The following LSAMP variants were observed in gnomAD, a reference collection of about 807,000 sequenced individuals.
LSAMP encodes the protein limbic system associated membrane protein, also known as limbic system-associated membrane protein.
A neutral mutation model predicts 38.6 loss-of-function variants in LSAMP; 7 were observed. The observed-to-expected ratio is 0.18, with a 90% CI of 0.10 to 0.34. The LOEUF (loss-of-function observed/expected upper bound fraction) is 0.34. LSAMP is among the 10% of genes least tolerant of loss of function. LSAMP has a pLI of 1.00. For missense variants in LSAMP, 313 were observed against 420.0 expected (o/e 0.75, Z 2.23); for synonymous variants, 154 against 166.8 (o/e 0.92, Z 0.59).
intron 1 of LSAMP, among the ~76,000 whole-genome samples, chr3:116,173,205 GATGA>G (rs1710246065): frequency 1.3e-5 from 2 of 152,120 alleles, no homozygotes; most frequent in South Asian, 4.1e-4. Context: ...ATAAATGTTG[GATGA>G]ATAAGTGACA....
chr3:115,841,729 T>C, intron 6 of LSAMP, 116 bp downstream of exon 6: 4 of 1,255,322 alleles, frequency 3.2e-6, no homozygotes, highest in Non-Finnish European at 4.4e-6. Flanking sequence ...TTTCAGTGCA[T>C]ATATCCTTAT....
chr3:116,215,491 C>T (rs2046208851), intron 1 of LSAMP, among the ~76,000 whole-genome samples: 1 of 152,102 alleles, frequency 6.6e-6, no homozygotes. Flanking sequence ...GCCTAGGTCC[C>T]AGAGGTGGAG....
intron 3 of LSAMP, among the ~76,000 whole-genome samples, chr3:115,989,778 A>C (rs1939615161): frequency 1.3e-5 from 2 of 152,170 alleles, no homozygotes; most frequent in South Asian, 4.1e-4. Flanking sequence ...GGGTAGAAAT[A>C]GCTTATTTCC....
intron 1 of LSAMP, among the ~76,000 whole-genome samples, chr3:116,432,929 A>G (rs1347519062): frequency 6.6e-6 from 1 of 152,202 alleles, no homozygotes; most frequent in Non-Finnish European, 1.5e-5. Flanking sequence ...TCTCCTGCTA[A>G]GTTAATGATT....
intron 1 of LSAMP, among the ~76,000 whole-genome samples, chr3:116,306,306 A>G (rs2047484457): frequency 6.6e-6 from 1 of 152,048 alleles, no homozygotes; most frequent in Non-Finnish European, 1.5e-5. Context: ...AGAGTCAGGC[A>G]GTGGAGAATA....
chr3:116,439,466 T>C (rs2049401777), intron 1 of LSAMP, among the ~76,000 whole-genome samples: 1 of 151,920 alleles, frequency 6.6e-6, no homozygotes, highest in Admixed American at 6.6e-5. Context: ...TCAAAAACTC[T>C]AGCGATGGAG....
At chr3:116,184,889 TCA>T (rs1336582031) in intron 1 of LSAMP, among the ~76,000 whole-genome samples, 6 of 151,870 alleles carry the variant, frequency 4.0e-5, no homozygotes, top group African/African-American at 7.2e-5. Flanking sequence ...CACTGGATAT[TCA>T]CAGTTTTGTT....
At chr3:116,083,558 C>T (rs76182753) in intron 2 of LSAMP, among the ~76,000 whole-genome samples, 1,625 of 152,298 alleles carry the variant, frequency 0.011, 24 homozygotes, top group African/African-American at 0.035. Flanking sequence ...TATCTCATAG[C>T]ACCTTTGAGC....
chr3:115,867,191 G>A (rs1935885954), intron 3 of LSAMP, among the ~76,000 whole-genome samples: 1 of 151,986 alleles, frequency 6.6e-6, no homozygotes, highest in Non-Finnish European at 1.5e-5. Flanking sequence ...GCACATTAAT[G>A]CTCAGTTTTT....
chr3:116,006,049 T>G (rs1001806374), intron 3 of LSAMP, among the ~76,000 whole-genome samples: 2 of 152,194 alleles, frequency 1.3e-5, no homozygotes, highest in Non-Finnish European at 2.9e-5. Flanking sequence ...CCAGAAGTCC[T>G]GATGATCAGC....
In LSAMP at chr3:115,807,154, A is replaced by T. The variant is rs1052766724; in HGVS notation, c.*3163T>A. On this transcript the variant is annotated 3_prime_UTR_variant, in exon 7 of 7. Transcript: ENST00000490035. ...TCTTGAAGGAATTTATTCCAATATG[A>T]TTAACTAAATTCCAAGAAGTCTTAT... The T allele has an allele frequency of 1.3e-5, 2 of 152,130 alleles. No individual in the cohort carries two copies. Among genetic ancestry groups the T allele is most frequent in the African/African-American group, 4.8e-5 (2 of 41,422 alleles). 9.4% of individuals were successfully genotyped at this position (152,130 alleles called of 1,614,324 possible).
intron 6 of LSAMP, among the ~76,000 whole-genome samples, chr3:115,825,911 G>A (rs1338782338): frequency 3.3e-5 from 5 of 152,044 alleles, no homozygotes; most frequent in African/African-American, 9.7e-5. Context: ...GGTTTATCAT[G>A]TTTATTTCTT....
chr3:115,911,943 A>C (rs1937145351), intron 3 of LSAMP, among the ~76,000 whole-genome samples: 1 of 152,168 alleles, frequency 6.6e-6, no homozygotes, highest in Admixed American at 6.5e-5. Flanking sequence ...AGTGATGTTA[A>C]ACATCTTTTA....
chr3:116,036,384 C>T (rs1327813115), intron 2 of LSAMP, among the ~76,000 whole-genome samples: 1 of 152,176 alleles, frequency 6.6e-6, no homozygotes, highest in East Asian at 1.9e-4. Flanking sequence ...TAGCCTCCTG[C>T]CTGACAGAGG....
At chr3:116,390,657 G>A (rs2048680571) in intron 1 of LSAMP, among the ~76,000 whole-genome samples, 1 of 150,624 alleles carries the variant, frequency 6.6e-6, no homozygotes, top group South Asian at 2.1e-4. Flanking sequence ...TTGAACCTGG[G>A]GATGGAGGTT....
At chr3:116,262,420 T>G (rs924560091) in intron 1 of LSAMP, among the ~76,000 whole-genome samples, 1 of 152,178 alleles carries the variant, frequency 6.6e-6, no homozygotes, top group African/African-American at 2.4e-5. Context: ...GCTGATAAAT[T>G]TCTTCTCTGA....
chr3:115,856,818 C>A (rs1326092407), intron 3 of LSAMP, among the ~76,000 whole-genome samples: 3 of 152,144 alleles, frequency 2.0e-5, no homozygotes, highest in African/African-American at 7.2e-5. Flanking sequence ...TTATAAGCTA[C>A]CCAGTCTATG....
intron 1 of LSAMP, among the ~76,000 whole-genome samples, chr3:116,174,921 G>A (rs145152457): frequency 8.6e-5 from 13 of 151,856 alleles, no homozygotes; most frequent in East Asian, 7.8e-4. Flanking sequence ...ATTTCCTATC[G>A]CCTGTCCTTA....
chr3:116,209,265 C>T lies in LSAMP; in HGVS notation c.156-122709G>A, dbSNP rs549812050. 3.5e-3 allele frequency among the ~76,000 whole-genome samples: 540 copies of T among 152,256 alleles called. 2 individuals carry two copies. The highest frequency in any genetic ancestry group is 0.012 in the African/African-American group (486 of 41,562). On this transcript the variant is annotated intron_variant, in intron 1 of 6. Transcript: ENST00000490035. ...GCCTCGCCCTGCTTTGGCTCGCGCA[C>T]GGTGCGCGCACCCACTGACCTGCGC...
Sources: gnomAD v4.1 joint callset for allele counts (sites outside exome capture counted in the v4.1 genomes callset) on GRCh38, gnomAD v4.1.1 for gene constraint, MANE v1.5 for transcripts, NCBI Gene and HGNC (gene_info 2026-07-23, HGNC 2026-07-21) for gene names.